The following DNAH17 variants were observed in gnomAD, a reference collection of about 807,000 sequenced individuals.
DNAH17 encodes the protein axonemal beta dynein heavy chain 17.
Under a neutral mutation model 485.6 loss-of-function variants are expected in DNAH17, and 376 were observed. That is an observed-to-expected ratio of 0.77 (90% CI 0.71 to 0.84). The LOEUF (loss-of-function observed/expected upper bound fraction) is 0.84, where lower values mean the gene tolerates loss of function less well. Ranked by LOEUF, DNAH17 falls within the 40% of genes least tolerant of loss-of-function variation. The pLI, the probability that DNAH17 is intolerant of heterozygous loss-of-function variation, is 0.00. For missense variants in DNAH17, 6,370 were observed against 5,839.3 expected, an observed-to-expected ratio of 1.09 and a Z score of -2.96; for synonymous variants, 3,031 against 2,405.9, an observed-to-expected ratio of 1.26 and a Z score of -7.60.
chr17:78,426,456 C>A lies in DNAH17; in HGVS notation c.12915+1G>T, dbSNP rs916942342. The stretch of plus-strand genomic sequence containing the variant: ...AGCCTCTCAGAGAAAACGGCACTTA[C>A]CCTGATGCGGAGCAGCAGGTCTGCG... On this transcript the variant is annotated splice_donor_variant, in intron 79 of 80. Transcript: ENST00000389840. LOFTEE classifies it high-confidence loss of function. 5.0e-6 allele frequency: 8 copies of A among 1,596,932 alleles called. No individual in the cohort carries two copies. Among genetic ancestry groups the A allele is most frequent in the Non-Finnish European group, 6.0e-6 (7 of 1,172,148 alleles).
intron 19 of DNAH17, 65 bp from the exon 20 acceptor site, chr17:78,532,801 T>C: frequency 6.8e-7 from 1 of 1,477,452 alleles, no homozygotes; most frequent in Non-Finnish European, 9.0e-7. Context: ...TTAGGTGTTG[T>C]CCTCTCGGCC....
chr17:78,461,562 CTTGACT>C lies in DNAH17; in HGVS notation c.9315_9320del (p.Lys3107_Val3108del). On this transcript the variant is annotated inframe_deletion, in exon 58 of 81. Coordinates refer to ENST00000389840, the MANE Select transcript of DNAH17 (RefSeq NM_173628.4). ...CACCTACCTTATTGATGACCTCGAC[CTTGACT>C]TCTTCCTGGTCAGCAATGGCCTTCT... is the stretch of plus-strand genomic sequence containing the variant. The C allele has an allele frequency of 6.3e-7, 1 of 1,598,492 alleles. No individual in the cohort carries two copies. Among genetic ancestry groups the C allele is most frequent in the Non-Finnish European group, 8.5e-7 (1 of 1,173,612 alleles).
rs368749407 is a variant in DNAH17, at chr17:78,558,189, A to C, written c.2097T>G (p.Ser699Arg). Reference sequence around the variant, plus strand: ...CGTTCTCTGAGAACAGACTCTCCGCACTGTCTGGAATCTCTTTCTGTTGCT... The same window carrying C: ...CGTTCTCTGAGAACAGACTCTCCGCCCTGTCTGGAATCTCTTTCTGTTGCT... ...NFQQQKEIPD[S>R]AESLFSENET... Residue 699 changes from serine (S) to arginine (R), a missense_variant, in exon 14 of 81, where the codon AGT becomes AGG. Coordinates refer to ENST00000389840, the MANE Select transcript of DNAH17 (RefSeq NM_173628.4). The C allele has an allele frequency of 1.4e-5, 22 of 1,613,844 alleles. No individual in the cohort carries two copies. The African/African-American group carries it at 1.7e-4, about 13-fold the overall frequency.
chr17:78,544,389 G>A (rs974329347), intron 16 of DNAH17, among the ~76,000 whole-genome samples: 5 of 152,190 alleles, frequency 3.3e-5, no homozygotes, highest in Non-Finnish European at 7.3e-5. Context: ...TGCAAACGGA[G>A]GGCCACGTGG....
intron 5 of DNAH17, 93 bp downstream of exon 5, chr17:78,571,186 C>A: frequency 7.5e-7 from 1 of 1,327,428 alleles, no homozygotes; most frequent in Non-Finnish European, 1.1e-6. Flanking sequence ...CAGAGGGAGG[C>A]CAACATCCTA....
rs780764090 is a variant in DNAH17, at chr17:78,425,470, C to T, written c.13017G>A (p.Met4339Ile). Residue 4339 changes from methionine to isoleucine, a missense_variant, in exon 80 of 81, where the codon ATG (methionine) becomes ATA (isoleucine). Transcript: ENST00000389840. ...QSFLTAIMQSMARKNEWPLDK... is the reference protein window; with the variant it reads ...QSFLTAIMQSIARKNEWPLDK... ...CCAGGGGCCACTCGTTCTTCCTGGC[C>T]ATGGACTGCATGATGGCCGTGAGGA... 65 of 1,613,936 alleles carry T rather than the reference C, an allele frequency of 4.0e-5. No homozygotes were observed. The highest frequency in any genetic ancestry group is 5.0e-5 in the Admixed American group (3 of 60,028).
intron 16 of DNAH17, among the ~76,000 whole-genome samples, chr17:78,544,800 C>CGAAAAAA (rs1187141760): frequency 2.1e-5 from 1 of 46,886 alleles, no homozygotes; most frequent in Non-Finnish European, 3.9e-5. Flanking sequence ...GACTCAGTCT[C>CGAAAAAA]AAAAAAAAAA....
chr17:78,507,986 G>A (rs1267548905), intron 27 of DNAH17, among the ~76,000 whole-genome samples, 181 bp from the exon 28 acceptor site: 1 of 152,176 alleles, frequency 6.6e-6, no homozygotes, highest in Non-Finnish European at 1.5e-5. Context: ...AATGATGGAT[G>A]CATGCGATCT....
chr17:78,462,733 G>C, intron 57 of DNAH17, 111 bp downstream of exon 57: 1 of 1,001,458 alleles, frequency 1.0e-6, no homozygotes, highest in South Asian at 1.5e-5. Context: ...TCTTACTTTA[G>C]GCAGTGCTGA....
chr17:78,453,147 T>C (rs113564000), intron 65 of DNAH17, among the ~76,000 whole-genome samples, 196 bp downstream of exon 65: 17 of 152,330 alleles, frequency 1.1e-4, no homozygotes, highest in Non-Finnish European at 2.2e-4. Flanking sequence ...ATATTCCTAA[T>C]TGGGAAGTGG....
intron 5 of DNAH17, 44 bp from the exon 6 acceptor site, chr17:78,571,077 A>G: frequency 6.6e-7 from 1 of 1,526,268 alleles, no homozygotes; most frequent in Non-Finnish European, 8.9e-7. Flanking sequence ...GAGAGCAGAA[A>G]TTGCTCAGAA....
chr17:78,514,652 C>T, intron 26 of DNAH17, 122 bp downstream of exon 26: 1 of 1,347,374 alleles, frequency 7.4e-7, no homozygotes. Context: ...GCCAGCCCTG[C>T]CCACATTGGC....
intron 7 of DNAH17, 34 bp from the exon 8 acceptor site, chr17:78,569,561 C>T (rs1045251847): frequency 1.3e-5 from 21 of 1,583,242 alleles, no homozygotes; most frequent in East Asian, 4.6e-5. Context: ...TCTAAAGCTC[C>T]GACAAGCCAT....
intron 13 of DNAH17, among the ~76,000 whole-genome samples, chr17:78,559,477 G>A (rs567373435): frequency 1.3e-5 from 2 of 152,184 alleles, no homozygotes; most frequent in Non-Finnish European, 2.9e-5. Context: ...AGTCTCCATG[G>A]CACTATATTC....
At chr17:78,556,543 A>G (rs1010494806) in intron 14 of DNAH17, among the ~76,000 whole-genome samples, 3 of 152,176 alleles carry the variant, frequency 2.0e-5, no homozygotes, top group Non-Finnish European at 2.9e-5. Flanking sequence ...GCCCTGTTGT[A>G]CTGTGGCTTG....
At chr17:78,477,427 G>A (rs2089083298) in intron 51 of DNAH17, among the ~76,000 whole-genome samples, 1 of 151,918 alleles carries the variant, frequency 6.6e-6, no homozygotes, top group Non-Finnish European at 1.5e-5. Flanking sequence ...TGCCCAGGCT[G>A]GAGTGCAGTG....
chr17:78,475,624 C>G (rs770641067), intron 53 of DNAH17, 45 bp downstream of exon 53: 2 of 1,608,768 alleles, frequency 1.2e-6, no homozygotes, highest in Admixed American at 3.4e-5. Context: ...AGAGGGTGAC[C>G]CGGTCCAGGT....
chr17:78,459,315 A>G (rs1294048843), intron 60 of DNAH17, 107 bp from the exon 61 acceptor site: 1 of 1,081,794 alleles, frequency 9.2e-7, no homozygotes, highest in African/African-American at 1.5e-5. Flanking sequence ...CTGGAGGGGC[A>G]GCGCTGGGAT....
intron 75 of DNAH17, among the ~76,000 whole-genome samples, chr17:78,433,169 G>C (rs2086740804): frequency 6.6e-6 from 1 of 152,206 alleles, no homozygotes; most frequent in South Asian, 2.1e-4. Context: ...TCTGCCTTCT[G>C]GGCGAGGGGC....
Sources: allele counts gnomAD v4.1 joint callset (sites outside exome capture counted in the v4.1 genomes callset), GRCh38; gene constraint gnomAD v4.1.1; transcripts MANE v1.5; gene names NCBI Gene and HGNC (gene_info 2026-07-23, HGNC 2026-07-21).